GNG7: variants seen among roughly 807,000 people sequenced by gnomAD.
GNG7 encodes the protein G protein subunit gamma 7, also known as guanine nucleotide-binding protein G(I)/G(S)/G(O) subunit gamma-7.
Under a neutral mutation model 4.0 loss-of-function variants are expected in GNG7, and 1 was observed. The observed-to-expected ratio is 0.25, with a 90% confidence interval of 0.09 to 1.18. The LOEUF is 1.18. Ranked by LOEUF, GNG7 falls within the 50% of genes most tolerant of loss-of-function variation. The pLI, the probability that GNG7 is intolerant of heterozygous loss-of-function variation, is 0.50. For missense variants in GNG7, 86 were observed against 91.9 expected, an observed-to-expected ratio of 0.94 and a Z score of 0.26; for synonymous variants, 34 against 36.9, an observed-to-expected ratio of 0.92 and a Z score of 0.29.
intron 1 of GNG7, among the ~76,000 whole-genome samples, chr19:2,696,401 C>A (rs756485010): frequency 2.9e-5 from 4 of 139,866 alleles, no homozygotes; most frequent in Non-Finnish European, 6.3e-5. Flanking sequence ...AAAGGAAAGA[C>A]GAAGGAAGAA....
chr19:2,680,886 C>A (rs1042325748), intron 1 of GNG7, among the ~76,000 whole-genome samples: 4 of 151,986 alleles, frequency 2.6e-5, no homozygotes, highest in Admixed American at 2.6e-4. Flanking sequence ...CTCACTGCAA[C>A]CTTCGTCTCC....
Position 2,512,008 on chromosome 19 carries a change from G to A in GNG7, c.*3014C>T, listed in dbSNP as rs530337919. The stretch of plus-strand genomic sequence containing the variant: ...GGCTACTGGTGTCTCGCTCAGCAGC[G>A]GGGAAGGCCCGTGGGAGACCCAGGC... On this transcript the variant is annotated 3_prime_UTR_variant, in exon 5 of 5. Transcript: ENST00000382159. This position sits in a 1 kb window ranked among gnomAD's most constrained non-coding sequence, Gnocchi z 4.7. The A allele has an allele frequency of 2.4e-4, 236 of 985,882 alleles. No homozygotes were observed. The African/African-American group carries it at 3.7e-3, about 16-fold the overall frequency. 61.1% of individuals were successfully genotyped at this position (985,882 alleles called of 1,614,324 possible).
chr19:2,604,526 A>G (rs1599417023), intron 2 of GNG7, among the ~76,000 whole-genome samples: 12 of 91,720 alleles, frequency 1.3e-4, no homozygotes, highest in Middle Eastern at 5.1e-3. Context: ...GGAGGGAGGG[A>G]GGGAGGGAGC....
Position 2,555,386 on chromosome 19 carries a change from C to A in GNG7, c.-77-198G>T, listed in dbSNP as rs562915342. Among the ~76,000 whole-genome samples, 5 of 152,258 alleles carry A rather than the reference C, an allele frequency of 3.3e-5. No individual in the cohort carries two copies. The East Asian group carries it at 7.7e-4, about 24-fold the overall frequency. On this transcript the variant is annotated intron_variant, in intron 2 of 4. Transcript: ENST00000382159. ...CTTTATTCTTTACCACCGATCCGTG[C>A]GGAGAAGACCTGGATGCTTCTCTTG...
At chr19:2,560,816 G>A (rs188992824) in intron 2 of GNG7, among the ~76,000 whole-genome samples, 4 of 152,112 alleles carry the variant, frequency 2.6e-5, no homozygotes, top group Admixed American at 2.0e-4. Flanking sequence ...AATTAGCCAG[G>A]CGTGGTGGTG....
chr19:2,642,789 C>T (rs557983505), intron 2 of GNG7: 96 of 456,744 alleles, frequency 2.1e-4, no homozygotes, highest in Middle Eastern at 1.6e-3. Context: ...CCATGGCGCC[C>T]GGCCAGAACT....
At chr19:2,666,785 C>T (rs758950885) in intron 1 of GNG7, among the ~76,000 whole-genome samples, 1 of 152,234 alleles carries the variant, frequency 6.6e-6, no homozygotes, top group South Asian at 2.1e-4. Context: ...CATGGCCCAT[C>T]GTGTGCCAAT....
intron 1 of GNG7, among the ~76,000 whole-genome samples, chr19:2,696,625 A>G (rs1183555155): frequency 1.3e-5 from 2 of 152,228 alleles, no homozygotes; most frequent in Non-Finnish European, 2.9e-5. Flanking sequence ...AACACGACTC[A>G]GCCCTGAAAA....
intron 2 of GNG7, among the ~76,000 whole-genome samples, chr19:2,637,438 C>T (rs950185293): frequency 6.6e-6 from 1 of 152,174 alleles, no homozygotes; most frequent in Non-Finnish European, 1.5e-5. Flanking sequence ...TCCTCCCCGT[C>T]CGTCCTTGTA....
At chr19:2,534,869 C>A (rs1388436560) in intron 3 of GNG7, among the ~76,000 whole-genome samples, 1 of 152,188 alleles carries the variant, frequency 6.6e-6, no homozygotes, top group Non-Finnish European at 1.5e-5. Context: ...GGAATTATCT[C>A]TTACTTAGCA....
intron 2 of GNG7, among the ~76,000 whole-genome samples, chr19:2,578,898 C>G (rs1303517586): frequency 6.6e-6 from 1 of 152,214 alleles, no homozygotes; most frequent in Non-Finnish European, 1.5e-5. Context: ...CTCCCGGCCC[C>G]CCAGGGGCCG....
chr19:2,617,896 G>A lies in GNG7; in HGVS notation c.-78+28328C>T, dbSNP rs1371771100. Among the ~76,000 whole-genome samples the A allele has an allele frequency of 6.6e-6, 1 of 151,690 alleles. No homozygotes were observed. Among genetic ancestry groups the A allele is most frequent in the East Asian group, 1.9e-4 (1 of 5,166 alleles). ...ACCATGCCCGGCTAATTTTTTAAATGTTTTGTAGAGATACGGTCCTGCTAT... is the reference window on the plus strand; with the variant it reads ...ACCATGCCCGGCTAATTTTTTAAATATTTTGTAGAGATACGGTCCTGCTAT... On this transcript the variant is annotated intron_variant, in intron 2 of 4. Coordinates refer to ENST00000382159, the MANE Select transcript of GNG7 (RefSeq NM_052847.3). The surrounding 1 kb of genome is among the most constrained non-coding windows in gnomAD (Gnocchi z 4.7).
chr19:2,681,207 G>C (rs1020761521), intron 1 of GNG7, among the ~76,000 whole-genome samples: 1 of 149,866 alleles, frequency 6.7e-6, no homozygotes, highest in East Asian at 2.0e-4. Flanking sequence ...TTTTTGAGAC[G>C]GAGTCTTGCT....
At chr19:2,677,362 T>C (rs542828429) in intron 1 of GNG7, among the ~76,000 whole-genome samples, 35 of 152,026 alleles carry the variant, frequency 2.3e-4, no homozygotes, top group African/African-American at 8.0e-4. Context: ...TTGTGACTGT[T>C]ATGACTCAGG....
intron 2 of GNG7, among the ~76,000 whole-genome samples, chr19:2,602,897 T>TTTTA (rs1981247007): frequency 1.9e-5 from 2 of 103,306 alleles, no homozygotes; most frequent in Non-Finnish European, 3.9e-5. Flanking sequence ...CTTTTTCTCT[T>TTTTA]TTTCTTTCTT....
chr19:2,695,894 C>T (rs1463412745), intron 1 of GNG7, among the ~76,000 whole-genome samples: 1 of 152,158 alleles, frequency 6.6e-6, no homozygotes, highest in African/African-American at 2.4e-5. Flanking sequence ...CATGGGGGCT[C>T]ACGCCTGTAA....
chr19:2,560,133 G>C (rs1052665750), intron 2 of GNG7, among the ~76,000 whole-genome samples: 1 of 152,160 alleles, frequency 6.6e-6, no homozygotes, highest in Non-Finnish European at 1.5e-5. Flanking sequence ...CTCTCTCTGC[G>C]TGTCCAAGGA....
In GNG7 at chr19:2,520,006, G is replaced by A. The variant is rs144344562; in HGVS notation, c.81+602C>T. Among the ~76,000 whole-genome samples, 151 of 152,176 alleles carry A rather than the reference G, an allele frequency of 9.9e-4. 3 individuals are homozygous for A. The East Asian group carries it at 0.026, about 27-fold the overall frequency. ...ACCAGCCTGGGCAACATGGCGAAAC[G>A]CCGTCTCTACTAAAAATACAAAAAA... is the stretch of plus-strand genomic sequence containing the variant. On this transcript the variant is annotated intron_variant, in intron 4 of 4. Coordinates refer to ENST00000382159, the MANE Select transcript of GNG7 (RefSeq NM_052847.3).
chr19:2,633,584 C>G lies in GNG7; in HGVS notation c.-78+12640G>C, dbSNP rs534006811. On this transcript the variant is annotated intron_variant, in intron 2 of 4. Transcript: ENST00000382159. The surrounding 1 kb of genome is among the most constrained non-coding windows in gnomAD (Gnocchi z 5.9). Reference sequence around the variant, plus strand: ...TACTCAGATCCCCGGGCTCGGTGGTCGTGGATGTGAGCCTCTCTGGGTATG... The same window carrying G: ...TACTCAGATCCCCGGGCTCGGTGGTGGTGGATGTGAGCCTCTCTGGGTATG... Among the ~76,000 whole-genome samples the G allele has an allele frequency of 1.8e-4, 28 of 151,502 alleles. No individual in the cohort carries two copies. The South Asian group carries it at 2.9e-3, about 16-fold the overall frequency.
Sources: gnomAD v4.1 joint callset for allele counts (sites outside exome capture counted in the v4.1 genomes callset) on GRCh38, gnomAD v4.1.1 for gene constraint, Gnocchi (gnomAD v3.1) non-coding constraint, MANE v1.5 for transcripts, NCBI Gene and HGNC (gene_info 2026-07-23, HGNC 2026-07-21) for gene names.